MARK4: variants seen among roughly 807,000 people sequenced by gnomAD.
MARK4 encodes MAP/microtubule affinity-regulating kinase 4.
Under a neutral mutation model 81.5 loss-of-function variants are expected in MARK4, and 19 were observed. That is an observed-to-expected ratio of 0.23 (90% CI 0.16 to 0.34). The LOEUF is 0.34. Among genes scored for constraint, MARK4 ranks in the 10% least tolerant of loss-of-function variants. The pLI is 1.00. For missense variants in MARK4, 772 were observed against 1,058.8 expected (o/e 0.73, Z 3.76); for synonymous variants, 436 against 439.0 (o/e 0.99, Z 0.08).
chr19:45,284,740 C>T (rs1970720558), intron 12 of MARK4, among the ~76,000 whole-genome samples: 2 of 151,952 alleles, frequency 1.3e-5, no homozygotes, highest in African/African-American at 4.8e-5. Flanking sequence ...ATCACTTGAG[C>T]TCTCAAGTTC....
At position 45,280,081 on chromosome 19, in the gene MARK4, G is replaced by A. The variant is rs143045239; in HGVS notation, c.1007-293G>A. On this transcript the variant is annotated intron_variant, in intron 10 of 16. Transcript: ENST00000262891. ...GAGTGGAAGTGGGCCAGGTGCAGTG[G>A]CTTATGCCTGTAATCCCAGCACTTT... is the stretch of plus-strand genomic sequence containing the variant. 6.0e-4 allele frequency: 223 copies of A among 369,522 alleles called. 2 individuals carry two copies. Among genetic ancestry groups the A allele is most frequent in the African/African-American group, 3.6e-3 (174 of 48,144 alleles). The allele number at this position is 369,522 out of a possible 1,614,324, so 22.9% of individuals were successfully genotyped here.
rs1971017942 is a variant in MARK4, at chr19:45,304,126, C to T, written c.*1416C>T. On this transcript the variant is annotated 3_prime_UTR_variant, in exon 17 of 17. Coordinates refer to ENST00000262891, the MANE Select transcript of MARK4 (RefSeq NM_001199867.2). The stretch of plus-strand genomic sequence containing the variant: ...GGTAGGTTTGATCCAGGCATCAGGC[C>T]ATTGCATCTATTTTTTCAGTGTAAG... 6.6e-6 allele frequency: 1 copy of T among 152,234 alleles called. No individual in the cohort carries two copies. The highest frequency in any genetic ancestry group is 6.5e-5 in the Admixed American group (1 of 15,284). The allele number at this position is 152,234 out of a possible 1,614,324, so 9.4% of individuals were successfully genotyped here. A position where few individuals can be genotyped will look rare whatever the true frequency, so the allele number is the denominator to read the frequency against.
intron 4 of MARK4, among the ~76,000 whole-genome samples, chr19:45,264,230 G>A (rs1970419871): frequency 1.3e-5 from 2 of 151,858 alleles, no homozygotes; most frequent in Admixed American, 1.3e-4. Flanking sequence ...GGCTGGGCGC[G>A]GTGGCTCACG....
chr19:45,302,426 C>T lies in MARK4; in HGVS notation c.1975C>T (p.Pro659Ser). 6.2e-7 allele frequency: 1 copy of T among 1,614,122 alleles called. No homozygotes were observed. The change falls in exon 17 of 17, where the codon CCC becomes TCC. Residue 659 changes from proline (P) to serine (S), a missense_variant. Around this residue, in one of 3 missense-constraint regions of MARK4, gnomAD observed 548 missense variants for 624.3 expected, o/e 0.88. Coordinates refer to ENST00000262891, the MANE Select transcript of MARK4 (RefSeq NM_001199867.2). The surrounding 1 kb of genome is among the most constrained non-coding windows in gnomAD (Gnocchi z 4.9). ...AACCGCCCCCCGGCTGCTCCGATTC[C>T]CCTGGAGTGTGAAGCTGACCAGCTC... ...TETAPRLLRF[P>S]WSVKLTSSRP...
At chr19:45,269,574 C>T (rs1213800528) in intron 7 of MARK4, among the ~76,000 whole-genome samples, 2 of 151,970 alleles carry the variant, frequency 1.3e-5, no homozygotes, top group South Asian at 2.1e-4. Flanking sequence ...GTGACCTGGG[C>T]GAGGGAAGGA....
intron 12 of MARK4, among the ~76,000 whole-genome samples, chr19:45,286,676 G>C (rs901847461): frequency 6.6e-6 from 1 of 151,982 alleles, no homozygotes; most frequent in Non-Finnish European, 1.5e-5. Flanking sequence ...TCACACCACT[G>C]TACTTCAGCT....
At chr19:45,284,170 A>T (rs971843789) in intron 12 of MARK4, among the ~76,000 whole-genome samples, 1 of 151,870 alleles carries the variant, frequency 6.6e-6, no homozygotes, top group African/African-American at 2.4e-5. Context: ...CACCTTGCCC[A>T]GCTAATTTTG....
At chr19:45,278,460 A>G in intron 9 of MARK4, 56 bp from the exon 10 acceptor site, 4 of 1,488,708 alleles carry the variant, frequency 2.7e-6, no homozygotes, top group South Asian at 1.1e-5. Flanking sequence ...AAGCTGTATG[A>G]TTTCTGGTTC....
At position 45,302,152 on chromosome 19, in the gene MARK4, T is replaced by G. The variant is rs1970983686; in HGVS notation, c.1923-222T>G. Among the ~76,000 whole-genome samples, 1 of 152,200 alleles carries G rather than the reference T, an allele frequency of 6.6e-6. No homozygotes were observed. The highest frequency in any genetic ancestry group is 2.4e-5 in the African/African-American group (1 of 41,460). On this transcript the variant is annotated intron_variant, in intron 16 of 16. Coordinates refer to ENST00000262891, the MANE Select transcript of MARK4 (RefSeq NM_001199867.2). The surrounding 1 kb of genome is among the most constrained non-coding windows in gnomAD (Gnocchi z 4.9). ...TCTCACTTCTGCTCATGTCCCAGAATTTACAGACAAGGTCACACCTGGTTG... is the reference window on the plus strand; with the variant it reads ...TCTCACTTCTGCTCATGTCCCAGAAGTTACAGACAAGGTCACACCTGGTTG...
At chr19:45,253,769 G>A (rs1218909106) in intron 1 of MARK4, among the ~76,000 whole-genome samples, 1 of 152,132 alleles carries the variant, frequency 6.6e-6, no homozygotes, top group East Asian at 1.9e-4. Flanking sequence ...ATGTGTCGTG[G>A]CTGTTGTGGT....
At chr19:45,283,477 CT>C (rs1172043502) in intron 12 of MARK4, among the ~76,000 whole-genome samples, 1 of 149,026 alleles carries the variant, frequency 6.7e-6, no homozygotes, top group African/African-American at 2.5e-5. Flanking sequence ...TACTAATCTA[CT>C]TTCTATGTCG....
chr19:45,294,551 A>G, intron 14 of MARK4, 99 bp downstream of exon 14: 1 of 1,030,914 alleles, frequency 9.7e-7, no homozygotes. Flanking sequence ...GGCTGGTGCC[A>G]TGGGGACCAG....
intron 7 of MARK4, among the ~76,000 whole-genome samples, chr19:45,270,663 A>G (rs756394778): frequency 9.9e-5 from 15 of 151,950 alleles, no homozygotes; most frequent in Non-Finnish European, 1.5e-5. Context: ...GCAGTGGCAC[A>G]GTCTCAGCTC....
chr19:45,272,779 T>C (rs765357458), intron 8 of MARK4, among the ~76,000 whole-genome samples: 17 of 151,986 alleles, frequency 1.1e-4, no homozygotes, highest in Non-Finnish European at 2.4e-4. Flanking sequence ...TCCCAGCTAC[T>C]GGAGAGGCTG....
chr19:45,262,937 G>A (rs1302559594), intron 2 of MARK4, 176 bp from the exon 3 acceptor site: 1 of 655,368 alleles, frequency 1.5e-6, no homozygotes, highest in East Asian at 2.9e-5. Context: ...GCTAATTTTT[G>A]TATTTTTAGT....
chr19:45,264,922 G>T lies in MARK4; in HGVS notation c.492+12G>T. The T allele has an allele frequency of 6.2e-7, 1 of 1,613,984 alleles. No individual in the cohort carries two copies. The highest frequency in any genetic ancestry group is 1.1e-5 in the South Asian group (1 of 91,050). On this transcript the variant is annotated intron_variant, in intron 6 of 16. Coordinates refer to ENST00000262891, the MANE Select transcript of MARK4 (RefSeq NM_001199867.2). ...CCAAGTTCCGACAGGTTGGGGCAGGGCTGAGGGTGGGGCTGACTGGGTGCC... is the reference window on the plus strand; with the variant it reads ...CCAAGTTCCGACAGGTTGGGGCAGGTCTGAGGGTGGGGCTGACTGGGTGCC...
Position 45,251,624 on chromosome 19 carries a change from T to C in MARK4, c.36T>C (p.Asp12=). ...SSRTVLAPGN[D]RNSDTHGTLG... ...GGACGGTGCTGGCCCCGGGCAACGA[T>C]CGGAACTCGGACACGGTGAGTGGGG... The change falls in exon 1 of 17, where the codon GAT becomes GAC. Residue 12 remains aspartate, a synonymous_variant. Transcript: ENST00000262891. 1 of 1,370,190 alleles carries C rather than the reference T, an allele frequency of 7.3e-7. No homozygotes were observed. The highest frequency in any genetic ancestry group is 1.3e-5 in the South Asian group (1 of 75,288). 84.9% of individuals were successfully genotyped at this position (1,370,190 alleles called of 1,614,324 possible).
At chr19:45,300,689 G>A (rs1391082489) in intron 16 of MARK4, among the ~76,000 whole-genome samples, 1 of 152,104 alleles carries the variant, frequency 6.6e-6, no homozygotes, top group South Asian at 2.1e-4. Flanking sequence ...CTGAGTTCCC[G>A]GTTTAGAGAC....
chr19:45,266,584 A>T (rs973082475), intron 7 of MARK4, among the ~76,000 whole-genome samples: 7 of 151,986 alleles, frequency 4.6e-5, no homozygotes, highest in African/African-American at 1.5e-4. Flanking sequence ...GGACGCTGGG[A>T]CATGATAAGG....
Sources: gnomAD v4.1 joint callset for allele counts (sites outside exome capture counted in the v4.1 genomes callset) on GRCh38, gnomAD v4.1.1 for gene constraint, gnomAD v4.1.1 regional missense constraint, Gnocchi (gnomAD v3.1) non-coding constraint, MANE v1.5 for transcripts, NCBI Gene and HGNC (gene_info 2026-07-23, HGNC 2026-07-21) for gene names.